Variants in ZMIZ1 observed in about 807,000 individuals in gnomAD.
ZMIZ1 encodes zinc finger MIZ-type containing 1, also known as zinc finger MIZ domain-containing protein 1.
In ZMIZ1, 17 loss-of-function variants were observed where a neutral mutation model predicts 113.9. The ratio of observed to expected loss-of-function variants is 0.15; its 90% CI spans 0.10 to 0.22. ZMIZ1 has a LOEUF of 0.22. Among genes scored for constraint, ZMIZ1 ranks in the 10% least tolerant of loss-of-function variants. The probability of loss-of-function intolerance (pLI) is 1.00; values close to 1 mark genes in which losing one functional copy is unlikely to be tolerated. For synonymous variants in ZMIZ1, 607 were observed against 603.1 expected, an observed-to-expected ratio of 1.01 and a Z score of -0.09; for missense variants, 1,059 against 1,477.8, an observed-to-expected ratio of 0.72 and a Z score of 4.65.
chr10:79,159,736 T>A (rs974758598), intron 3 of ZMIZ1, among the ~76,000 whole-genome samples: 4 of 152,136 alleles, frequency 2.6e-5, no homozygotes, highest in African/African-American at 9.7e-5. Context: ...AGCAGGGTGG[T>A]CCAATGCAGG....
At chr10:79,147,960 G>C in intron 3 of ZMIZ1, among the ~76,000 whole-genome samples, 1 of 152,222 alleles carries the variant, frequency 6.6e-6, no homozygotes, top group Non-Finnish European at 1.5e-5. Context: ...CAGCTGCAGA[G>C]TGGGGCCTCC....
intron 3 of ZMIZ1, 135 bp from the exon 4 acceptor site, chr10:79,161,918 A>T: frequency 2.5e-6 from 1 of 398,264 alleles, no homozygotes; most frequent in Admixed American, 4.4e-5. Context: ...TGTTTATGCC[A>T]GGGCACCCCA....
At chr10:79,117,784 T>G (rs1844119561) in intron 1 of ZMIZ1, among the ~76,000 whole-genome samples, 1 of 152,112 alleles carries the variant, frequency 6.6e-6, no homozygotes, top group Non-Finnish European at 1.5e-5. Context: ...TGGAGGTGCA[T>G]CTTGTGGACA....
intron 7 of ZMIZ1, among the ~76,000 whole-genome samples, chr10:79,253,853 C>T (rs1234454207): frequency 1.3e-5 from 2 of 151,990 alleles, no homozygotes; most frequent in East Asian, 4.0e-4. Flanking sequence ...GGCCTGCACA[C>T]ATGGCCCCAC....
chr10:79,142,320 C>G (rs759559057), intron 3 of ZMIZ1, among the ~76,000 whole-genome samples: 3 of 152,104 alleles, frequency 2.0e-5, no homozygotes, highest in Admixed American at 6.6e-5. Context: ...GATGGTGTTG[C>G]AAGTCGTGAG....
At chr10:79,298,328 T>C in intron 14 of ZMIZ1, 78 bp from the exon 15 acceptor site, 1 of 1,477,446 alleles carries the variant, frequency 6.8e-7, no homozygotes, top group Non-Finnish European at 9.1e-7. Flanking sequence ...CTGGGATGAG[T>C]GCGGTGTATG....
intron 1 of ZMIZ1, among the ~76,000 whole-genome samples, chr10:79,080,326 A>G (rs1842616425): frequency 2.8e-5 from 2 of 71,608 alleles, no homozygotes; most frequent in Non-Finnish European, 5.1e-5. Context: ...TTTTTTTTTG[A>G]GACTGAGTCT....
At chr10:79,134,164 C>G (rs1031716472) in intron 2 of ZMIZ1, among the ~76,000 whole-genome samples, 2 of 152,114 alleles carry the variant, frequency 1.3e-5, no homozygotes, top group African/African-American at 4.8e-5. Context: ...TGTCTGAAGC[C>G]CGGGGTCACC....
At chr10:79,306,665 C>T (rs1391609831) in intron 22 of ZMIZ1, among the ~76,000 whole-genome samples, 1 of 152,152 alleles carries the variant, frequency 6.6e-6, no homozygotes, top group Non-Finnish European at 1.5e-5. Flanking sequence ...TCCTGCCCTC[C>T]TAGGGACAGA....
chr10:79,172,904 C>G (rs969037085), intron 4 of ZMIZ1, among the ~76,000 whole-genome samples: 1 of 152,222 alleles, frequency 6.6e-6, no homozygotes, highest in Non-Finnish European at 1.5e-5. Flanking sequence ...AGTAAATTTT[C>G]TGCCAGCCTT....
At chr10:79,119,755 T>C (rs952520897) in intron 2 of ZMIZ1, among the ~76,000 whole-genome samples, 4 of 152,090 alleles carry the variant, frequency 2.6e-5, no homozygotes, top group Admixed American at 1.3e-4. Context: ...ATGACCCATT[T>C]GTGATGTGAT....
chr10:79,158,211 C>T (rs902877319), intron 3 of ZMIZ1, among the ~76,000 whole-genome samples: 8 of 152,190 alleles, frequency 5.3e-5, no homozygotes, highest in Non-Finnish European at 1.2e-4. Context: ...GGCCAAGGCA[C>T]GTGTGTGGTC....
At chr10:79,123,017 C>T (rs1240407286) in intron 2 of ZMIZ1, among the ~76,000 whole-genome samples, 1 of 152,242 alleles carries the variant, frequency 6.6e-6, no homozygotes, top group Non-Finnish European at 1.5e-5. Context: ...CTTTTCCCCA[C>T]AAGTGATGTG....
intron 7 of ZMIZ1, among the ~76,000 whole-genome samples, chr10:79,270,161 C>A (rs1276029784): frequency 6.6e-6 from 1 of 152,250 alleles, no homozygotes; most frequent in African/African-American, 2.4e-5. Flanking sequence ...CATCCTCACT[C>A]AGGCCTGCCT....
chr10:79,155,073 G>T (rs186817586), intron 3 of ZMIZ1, among the ~76,000 whole-genome samples: 2 of 152,294 alleles, frequency 1.3e-5, no homozygotes, highest in Non-Finnish European at 2.9e-5. Context: ...CCAGTATCAC[G>T]CAGCTAAGTA....
chr10:79,233,578 G>A (rs1269963487), intron 7 of ZMIZ1, among the ~76,000 whole-genome samples: 2 of 152,206 alleles, frequency 1.3e-5, no homozygotes, highest in African/African-American at 2.4e-5. Flanking sequence ...ATTTCAACAC[G>A]TTAACTTAGA....
At chr10:79,239,489 G>A (rs1849723116) in intron 7 of ZMIZ1, among the ~76,000 whole-genome samples, 1 of 152,176 alleles carries the variant, frequency 6.6e-6, no homozygotes, top group African/African-American at 2.4e-5. Flanking sequence ...GCCCGCATGG[G>A]TGACATCTCC....
intron 2 of ZMIZ1, among the ~76,000 whole-genome samples, chr10:79,128,003 G>T (rs915410941): frequency 6.6e-6 from 1 of 152,220 alleles, no homozygotes; most frequent in Non-Finnish European, 1.5e-5. Flanking sequence ...TGCTTTGCAA[G>T]CATGCAGTTC....
At chr10:79,096,960 G>A (rs973635042) in intron 1 of ZMIZ1, among the ~76,000 whole-genome samples, 1 of 152,226 alleles carries the variant, frequency 6.6e-6, no homozygotes, top group Non-Finnish European at 1.5e-5. Context: ...GATGGGGTGG[G>A]AAAAGAGAGC....
Sources: gnomAD v4.1 joint callset for allele counts (sites outside exome capture counted in the v4.1 genomes callset) on GRCh38, gnomAD v4.1.1 for gene constraint, MANE v1.5 for transcripts, NCBI Gene and HGNC (gene_info 2026-07-23, HGNC 2026-07-21) for gene names.